DPP6: variants seen among roughly 807,000 people sequenced by gnomAD.
DPP6 encodes A-type potassium channel modulatory protein DPP6.
DPP6 carries 69 observed loss-of-function variants against 122.6 expected under a neutral mutation model. The observed-to-expected ratio is 0.56, with a 90% confidence interval of 0.46 to 0.69. The LOEUF is 0.69. Ranked by LOEUF, DPP6 falls within the 30% of genes least tolerant of loss-of-function variation. The pLI is 0.00. For missense variants in DPP6, 928 were observed against 1,116.9 expected (o/e 0.83, Z 2.41); for synonymous variants, 418 against 433.1 (o/e 0.97, Z 0.43).
At chr7:153,963,360 G>A (rs1164536849) in intron 1 of DPP6, among the ~76,000 whole-genome samples, 1 of 149,444 alleles carries the variant, frequency 6.7e-6, no homozygotes, top group African/African-American at 2.4e-5. Flanking sequence ...TTCATAGCAA[G>A]AGGAAGGAAG....
In DPP6 at chr7:154,821,653, T is replaced by TATATATACACATATATATACAC. The variant is rs1554477670; in HGVS notation, c.1666+14548_1666+14549insCACATATATATACACATATATA. ...GTATATATATATATATATACACATA[T>TATATATACACATATATATACAC]ATATATATATACACATATATATATA... On this transcript the variant is annotated intron_variant, in intron 16 of 25. Coordinates refer to ENST00000377770, the MANE Select transcript of DPP6 (RefSeq NM_130797.4). This position sits in a 1 kb window ranked among gnomAD's most constrained non-coding sequence, Gnocchi z 4.2. 9.3e-6 allele frequency among the ~76,000 whole-genome samples: 1 copy of TATATATACACATATATATACAC among 107,094 alleles called. No individual in the cohort carries two copies. The highest frequency in any genetic ancestry group is 2.1e-5 in the Non-Finnish European group (1 of 48,268). The allele number at this position is 107,094 out of a possible 152,430, so 70.3% of individuals were successfully genotyped here.
rs376167723 is a variant in DPP6, at chr7:154,760,920, C to T, written c.884-8497C>T. The stretch of plus-strand genomic sequence containing the variant: ...TGCAATCTCGACTCACTGCAACCTC[C>T]GCTTCCCTGGTTCAAGCGATTCTCC... On this transcript the variant is annotated intron_variant, in intron 8 of 25. Transcript: ENST00000377770. The surrounding 1 kb of genome is among the most constrained non-coding windows in gnomAD (Gnocchi z 4.5). 1.6e-3 allele frequency among the ~76,000 whole-genome samples: 247 copies of T among 151,712 alleles called. No homozygotes were observed. Among genetic ancestry groups the T allele is most frequent in the African/African-American group, 5.4e-3 (223 of 41,326 alleles).
At chr7:154,183,154 T>C (rs759826728) in intron 1 of DPP6, among the ~76,000 whole-genome samples, 10 of 152,206 alleles carry the variant, frequency 6.6e-5, no homozygotes. Flanking sequence ...CACTTTTCTC[T>C]TCCTCCTTTC....
At chr7:154,088,479 C>A (rs1804592998) in intron 1 of DPP6, among the ~76,000 whole-genome samples, 1 of 147,950 alleles carries the variant, frequency 6.8e-6, no homozygotes, top group South Asian at 2.2e-4. Flanking sequence ...AGTGTCCATG[C>A]AATTCAGGCA....
chr7:154,582,730 C>T (rs1028923501), intron 5 of DPP6, among the ~76,000 whole-genome samples: 1 of 152,184 alleles, frequency 6.6e-6, no homozygotes, highest in African/African-American at 2.4e-5. Flanking sequence ...CCATGTCCTC[C>T]TCTGGTTCTT....
chr7:153,965,027 CCTTCCTTTCTTT>C (rs1172503498), intron 1 of DPP6, among the ~76,000 whole-genome samples: 2 of 123,576 alleles, frequency 1.6e-5, no homozygotes, highest in Non-Finnish European at 3.3e-5. Context: ...TTCCTTCCTT[CCTTCCTTTCTTT>C]CTCTCAGAAT....
At chr7:154,167,502 G>T (rs1394476976) in intron 1 of DPP6, among the ~76,000 whole-genome samples, 1 of 152,232 alleles carries the variant, frequency 6.6e-6, no homozygotes, top group Admixed American at 6.5e-5. Flanking sequence ...TGATCATTTA[G>T]ATCAGCTTTC....
At chr7:154,131,504 C>T (rs1585444650) in intron 1 of DPP6, among the ~76,000 whole-genome samples, 2 of 152,268 alleles carry the variant, frequency 1.3e-5, no homozygotes, top group Non-Finnish European at 2.9e-5. Context: ...TGGGAAGGCC[C>T]ACGTGGAACT....
At chr7:153,857,187 TA>T in the DPP6 span, among the ~76,000 whole-genome samples, 4 of 152,330 alleles carry the variant, frequency 2.6e-5, no homozygotes, top group Admixed American at 2.6e-4. Context: ...CAATCTGGAC[TA>T]AAGATTTTAT....
intron 1 of DPP6, among the ~76,000 whole-genome samples, chr7:153,984,699 A>G (rs1197769561): frequency 6.6e-6 from 1 of 152,180 alleles, no homozygotes; most frequent in Non-Finnish European, 1.5e-5. Flanking sequence ...CTTGTTCTTC[A>G]TGAATTCCCC....
At chr7:153,937,437 CTTTTTTT>C (rs201001951) in intron 1 of DPP6, among the ~76,000 whole-genome samples, 5 of 115,506 alleles carry the variant, frequency 4.3e-5, no homozygotes, top group African/African-American at 7.7e-5. Flanking sequence ...TCAGAGCTAA[CTTTTTTT>C]TTTTTTTTTT....
intron 8 of DPP6, among the ~76,000 whole-genome samples, chr7:154,732,672 G>A (rs994481958): frequency 2.5e-4 from 38 of 152,262 alleles, no homozygotes; most frequent in Admixed American, 6.5e-4. Flanking sequence ...GGCCCGAAGG[G>A]TATTTATTTC....
chr7:153,886,529 C>G (rs76323116), upstream of DPP6, among the ~76,000 whole-genome samples: 1 of 152,136 alleles, frequency 6.6e-6, no homozygotes, highest in Non-Finnish European at 1.5e-5. Context: ...ACAAAGCCGC[C>G]GAGGGACGCG....
intron 3 of DPP6, among the ~76,000 whole-genome samples, chr7:154,476,779 A>C (rs1822778321): frequency 2.6e-5 from 4 of 152,328 alleles, no homozygotes; most frequent in Non-Finnish European, 5.9e-5. Flanking sequence ...AAAACAAAAC[A>C]AAACACTTAG....
At chr7:153,980,259 G>A (rs1471956999) in intron 1 of DPP6, among the ~76,000 whole-genome samples, 1 of 151,852 alleles carries the variant, frequency 6.6e-6, no homozygotes, top group African/African-American at 2.4e-5. Flanking sequence ...TGACTTCTTC[G>A]TGGTTTAGTC....
In DPP6 at chr7:154,463,383, G is replaced by A. The variant is rs984734062; in HGVS notation, c.359-11556G>A. Among the ~76,000 whole-genome samples, 7 of 151,414 alleles carry A rather than the reference G, an allele frequency of 4.6e-5. No homozygotes were observed. In the South Asian group the frequency reaches 8.4e-4, roughly 18 times the overall value. On this transcript the variant is annotated intron_variant, in intron 2 of 25. Coordinates refer to ENST00000377770, the MANE Select transcript of DPP6 (RefSeq NM_130797.4). ...CCACCACGCCCGGCTAATTTTTTGT[G>A]TTTTTAGTAGAGACGGGGTTTCACC... is the stretch of plus-strand genomic sequence containing the variant.
intron 8 of DPP6, among the ~76,000 whole-genome samples, chr7:154,739,378 T>C (rs1434591750): frequency 6.6e-6 from 1 of 151,986 alleles, no homozygotes; most frequent in African/African-American, 2.4e-5. Context: ...AGATCAGAGT[T>C]GGGTTGAGAA....
intron 1 of DPP6, among the ~76,000 whole-genome samples, chr7:154,219,806 C>T (rs1258792131): frequency 1.3e-5 from 2 of 152,148 alleles, no homozygotes; most frequent in Admixed American, 6.5e-5. Context: ...AGGCTGGTCT[C>T]GAACTCCTGA....
chr7:154,872,912 C>T (rs1316442842), intron 19 of DPP6, among the ~76,000 whole-genome samples: 1 of 152,236 alleles, frequency 6.6e-6, no homozygotes, highest in Non-Finnish European at 1.5e-5. Context: ...CACCGCCTCT[C>T]CCCAGGCTGC....
Sources: allele counts gnomAD v4.1 joint callset (sites outside exome capture counted in the v4.1 genomes callset), GRCh38; gene constraint gnomAD v4.1.1; non-coding constraint Gnocchi (gnomAD v3.1); transcripts MANE v1.5; gene names NCBI Gene and HGNC (gene_info 2026-07-23, HGNC 2026-07-21).